The following SPAG9 variants were observed in gnomAD, a reference collection of about 807,000 sequenced individuals.
SPAG9 encodes C-Jun-amino-terminal kinase-interacting protein 4.
Under a neutral mutation model 166.5 loss-of-function variants are expected in SPAG9, and 35 were observed. That is an observed-to-expected ratio of 0.21 (90% CI 0.16 to 0.28). The LOEUF is 0.28. SPAG9 is among the 10% of genes least tolerant of loss of function. The probability of loss-of-function intolerance (pLI) is 1.00; values close to 1 mark genes in which losing one functional copy is unlikely to be tolerated. For missense variants in SPAG9, 1,235 were observed against 1,603.3 expected (o/e 0.77, Z 3.92); for synonymous variants, 534 against 565.5 (o/e 0.94, Z 0.79).
chr17:50,995,617 G>A (rs2044643968), intron 16 of SPAG9, 84 bp from the exon 17 acceptor site: 8 of 818,454 alleles, frequency 9.8e-6, no homozygotes, highest in Middle Eastern at 4.6e-4. Flanking sequence ...ACTGAGACAT[G>A]AGCAAGCACT....
Position 50,995,071 on chromosome 17 carries a change from C to G in SPAG9, c.2212G>C (p.Asp738His). 1 of 1,612,462 alleles carries G rather than the reference C, an allele frequency of 6.2e-7. No individual in the cohort carries two copies. Among genetic ancestry groups the G allele is most frequent in the Non-Finnish European group, 8.5e-7 (1 of 1,178,998 alleles). The change falls in exon 18 of 30, where the codon GAT becomes CAT. Residue 738 changes from aspartate (D) to histidine (H), a missense_variant. By Grantham distance (81) the Asp-to-His change is moderately conservative (BLOSUM62 -1). This residue lies in a region of SPAG9 where 493 missense variants were observed against 559.4 expected (regional missense o/e 0.88). Coordinates refer to ENST00000262013, the MANE Select transcript of SPAG9 (RefSeq NM_001130528.3). ...CACACACTTACCTTAAGTTCCTGAT[C>G]TAACTTATCTAAACTACTCTGAGAG... is the stretch of plus-strand genomic sequence containing the variant. ...SASQSSLDKL[D>H]QELKEQQKEL...
chr17:50,992,953 G>A (rs111833330), intron 19 of SPAG9, among the ~76,000 whole-genome samples: 31 of 150,854 alleles, frequency 2.1e-4, no homozygotes, highest in African/African-American at 6.8e-4. Context: ...AAAATTAGCC[G>A]GGTGTAGTGG....
In SPAG9 at chr17:50,999,694, A is replaced by G; in HGVS notation, c.1631T>C (p.Met544Thr). The G allele has an allele frequency of 6.2e-7, 1 of 1,612,054 alleles. No homozygotes were observed. Among genetic ancestry groups the G allele is most frequent in the Non-Finnish European group, 8.5e-7 (1 of 1,179,212 alleles). ...AATGCTTGACCTTTTTTTTTCCTGC[A>G]TGGCTGGATTTTCTCGTGATGCCCT... ...MIRASRENPA[M>T]QEKKRSSIWQ... The change falls in exon 14 of 30, where the codon ATG becomes ACG. Residue 544 changes from methionine to threonine, a missense_variant. Coordinates refer to ENST00000262013, the MANE Select transcript of SPAG9 (RefSeq NM_001130528.3).
rs537687102 is a variant in SPAG9 at position 50,966,984 on chromosome 17, C to T, written c.3851-597G>A. Among the ~76,000 whole-genome samples the T allele has an allele frequency of 2.6e-5, 4 of 152,266 alleles. No homozygotes were observed. The East Asian group carries it at 7.7e-4, about 29-fold the overall frequency. Reference sequence around the variant, plus strand: ...AAGTTTAGGATAGGTTACAAATTAACAGTGTATAATGGAAAAGGAGAAACA... The same window carrying T: ...AAGTTTAGGATAGGTTACAAATTAATAGTGTATAATGGAAAAGGAGAAACA... On this transcript the variant is annotated intron_variant, in intron 29 of 29. Transcript: ENST00000262013.
intron 2 of SPAG9, among the ~76,000 whole-genome samples, chr17:51,076,066 G>C (rs1598135032): frequency 2.6e-5 from 4 of 151,984 alleles, no homozygotes; most frequent in African/African-American, 9.6e-5. Flanking sequence ...CTGCACTCCA[G>C]CCTGGGTGAC....
In SPAG9 at chr17:51,079,633, T is replaced by C. The variant is rs2048108703; in HGVS notation, c.375A>G (p.Glu125=). The change falls in exon 2 of 30, where the codon GAA becomes GAG. Residue 125 remains glutamate (E), a synonymous_variant. Coordinates refer to ENST00000262013, the MANE Select transcript of SPAG9 (RefSeq NM_001130528.3). ...KDLQTRVESL[E]SQTRQLELKA... is the part of the protein sequence containing the mutation. ...TCAGCTCAAGTTGTCTTGTTTGAGA[T>C]TCTAAAGATTCCACTCGGGTCTGTA... 1 of 1,613,544 alleles carries C rather than the reference T, an allele frequency of 6.2e-7. No homozygotes were observed. The highest frequency in any genetic ancestry group is 8.5e-7 in the Non-Finnish European group (1 of 1,179,466).
chr17:50,984,968 C>A lies in SPAG9; in HGVS notation c.3043G>T (p.Val1015Leu). Residue 1015 changes from valine (V) to leucine (L), a missense_variant, in exon 24 of 30, where the codon GTA (valine) becomes TTA (leucine). Physicochemically the swap from Val to Leu is conservative, Grantham distance 32. This residue lies in a region of SPAG9 where 493 missense variants were observed against 559.4 expected (regional missense o/e 0.88). Coordinates refer to ENST00000262013, the MANE Select transcript of SPAG9 (RefSeq NM_001130528.3). ...GCAAGGGTGCCGTCAGCCAGGGCTA[C>A]TAACACGATTCCCTTCACGTGTCTG... ...SIVHVKGIVL[V>L]ALADGTLAIF... is the part of the protein sequence containing the mutation. The A allele has an allele frequency of 6.2e-7, 1 of 1,614,188 alleles. No individual in the cohort carries two copies. The highest frequency in any genetic ancestry group is 1.7e-5 in the Admixed American group (1 of 60,024).
chr17:50,993,140 C>T (rs1284742869), intron 19 of SPAG9, among the ~76,000 whole-genome samples: 1 of 141,944 alleles, frequency 7.0e-6, no homozygotes, highest in South Asian at 2.3e-4. Flanking sequence ...CATGGTAAAA[C>T]CCCGTCTCTA....
chr17:50,992,097 A>G (rs991784524), intron 19 of SPAG9, among the ~76,000 whole-genome samples: 6 of 151,874 alleles, frequency 4.0e-5, no homozygotes, highest in African/African-American at 9.7e-5. Context: ...TATATTGCCC[A>G]GACTGGTCTC....
At chr17:51,038,982 T>G (rs1243898686) in intron 5 of SPAG9, among the ~76,000 whole-genome samples, 1 of 152,162 alleles carries the variant, frequency 6.6e-6, no homozygotes, top group Non-Finnish European at 1.5e-5. Flanking sequence ...ACCACAGGTC[T>G]CTCACAGTGA....
intron 11 of SPAG9, 140 bp from the exon 12 acceptor site, chr17:51,005,403 T>C (rs1211629141): frequency 2.9e-6 from 2 of 692,386 alleles, no homozygotes; most frequent in South Asian, 3.5e-5. Flanking sequence ...CCACCCTCAT[T>C]TGGTGGAGTA....
intron 6 of SPAG9, 45 bp downstream of exon 6, chr17:51,031,636 A>C: frequency 7.3e-7 from 1 of 1,366,316 alleles, no homozygotes; most frequent in Non-Finnish European, 1.0e-6. Context: ...ATAGTTAATC[A>C]CTTTAGTATA....
At chr17:51,089,663 T>TATACAC (rs1403230293) in intron 1 of SPAG9, among the ~76,000 whole-genome samples, 2 of 78,310 alleles carry the variant, frequency 2.6e-5, no homozygotes, top group African/African-American at 4.4e-5. Context: ...TATATATATA[T>TATACAC]ACACATACAC....
Position 51,056,038 on chromosome 17 carries a change from A to G in SPAG9, c.495+374T>C, listed in dbSNP as rs184608792. 7.9e-3 allele frequency among the ~76,000 whole-genome samples: 1,211 copies of G among 152,342 alleles called. 16 individuals are homozygous for G. Among genetic ancestry groups the G allele is most frequent in the African/African-American group, 0.027 (1,137 of 41,584 alleles). On this transcript the variant is annotated intron_variant, in intron 3 of 29. Transcript: ENST00000262013. Reference sequence around the variant, plus strand: ...ATAATAGATGTAGAGACCCTTTACCAATAACTTACCAATCCATAATTTCCA... The same window carrying G: ...ATAATAGATGTAGAGACCCTTTACCGATAACTTACCAATCCATAATTTCCA...
intron 13 of SPAG9, among the ~76,000 whole-genome samples, chr17:51,000,148 C>A (rs2044868923): frequency 6.6e-6 from 1 of 152,106 alleles, no homozygotes; most frequent in Admixed American, 6.5e-5. Flanking sequence ...CCTGAGGGGT[C>A]ATTTTTCACA....
intron 3 of SPAG9, among the ~76,000 whole-genome samples, chr17:51,054,116 CTTT>C (rs1157639358): frequency 2.7e-5 from 2 of 73,944 alleles, no homozygotes; most frequent in African/African-American, 5.5e-5. Context: ...AATGTGAGGG[CTTT>C]TTTTTTTTTT....
intron 1 of SPAG9, chr17:51,084,218 G>A (rs1183741648): frequency 2.0e-5 from 3 of 151,954 alleles, no homozygotes; most frequent in Non-Finnish European, 2.9e-5. Context: ...GTAAGGTTAC[G>A]TTAAATAGAA....
intron 6 of SPAG9, among the ~76,000 whole-genome samples, chr17:51,028,193 AG>A (rs1290838599): frequency 6.6e-6 from 1 of 152,184 alleles, no homozygotes; most frequent in Non-Finnish European, 1.5e-5. Flanking sequence ...AAAATCAAAA[AG>A]GTAAAAAAAT....
chr17:51,007,164 T>C (rs1045286647), intron 10 of SPAG9, 105 bp downstream of exon 10: 1 of 589,190 alleles, frequency 1.7e-6, no homozygotes, highest in Non-Finnish European at 3.0e-6. Flanking sequence ...GGGAACGAGA[T>C]GGGACAGGGA....
Sources: gnomAD v4.1 joint callset for allele counts (sites outside exome capture counted in the v4.1 genomes callset) on GRCh38, gnomAD v4.1.1 for gene constraint, gnomAD v4.1.1 regional missense constraint, MANE v1.5 for transcripts, NCBI Gene and HGNC (gene_info 2026-07-23, HGNC 2026-07-21) for gene names.